Variants in ZNF782 observed in about 807,000 individuals in gnomAD.
The protein encoded by ZNF782 is zinc finger protein 782.
A neutral mutation model predicts 13.0 loss-of-function variants in ZNF782; 12 were observed. That is an observed-to-expected ratio of 0.92 (90% CI 0.59 to 1.50). The LOEUF (loss-of-function observed/expected upper bound fraction) is 1.50. Among genes scored for constraint, ZNF782 ranks in the 40% most tolerant of loss-of-function variants. The probability of loss-of-function intolerance (pLI) is 0.00; values close to 1 mark genes in which losing one functional copy is unlikely to be tolerated. For synonymous variants in ZNF782, 284 were observed against 283.0 expected (o/e 1.00, Z -0.04); for missense variants, 770 against 822.9 (o/e 0.94, Z 0.79).
chr9:96,917,881 C>A, the ZNF782 span, among the ~76,000 whole-genome samples: 1 of 128,274 alleles, frequency 7.8e-6, no homozygotes, highest in East Asian at 2.1e-4. Flanking sequence ...ATACCACCAC[C>A]CTTGGCGTGT....
the ZNF782 span, among the ~76,000 whole-genome samples, chr9:96,907,493 A>G: frequency 6.6e-6 from 1 of 152,296 alleles, no homozygotes; most frequent in Non-Finnish European, 1.5e-5. Context: ...AATTTATGTT[A>G]CATGTAGTTT....
the ZNF782 span, chr9:96,890,027 A>T: frequency 6.6e-6 from 1 of 152,294 alleles, no homozygotes; most frequent in Non-Finnish European, 1.5e-5. Flanking sequence ...TTCTTGTGGA[A>T]CATCATCCTT....
rs569582776 is a variant in ZNF782, at chr9:96,818,034, T to A, written c.1989A>T (p.Val663=). 416 of 1,610,648 alleles carry A rather than the reference T, an allele frequency of 2.6e-4. 6 individuals are homozygous for A. In the East Asian group the frequency reaches 9.2e-3, roughly 36 times the overall value. ...EAFSQKSNLR[V]HQRTHTGEKP... The stretch of plus-strand genomic sequence containing the variant: ...TCTCCCCTGTGTGAGTTCTCTGATG[T>A]ACTCTGAGATTGGATTTCTGACTGA... Residue 663 remains valine, a synonymous_variant, in exon 6 of 6, where the codon GTA becomes GTT. Coordinates refer to ENST00000481138, the MANE Select transcript of ZNF782 (RefSeq NM_001001662.3).
In ZNF782 at chr9:96,819,692, A is replaced by C; in HGVS notation, c.331T>G (p.Leu111Val). Residue 111 changes from leucine to valine, a missense_variant, in exon 6 of 6, where the codon TTG (leucine) becomes GTG (valine). Transcript: ENST00000481138. ...CCTGAAATTTCTTGCTCTGTAGTCAATAATTTATTGGTGAATAAAACTTGC... is the reference window on the plus strand; with the variant it reads ...CCTGAAATTTCTTGCTCTGTAGTCACTAATTTATTGGTGAATAAAACTTGC... ...LLQVLFTNKL[L>V]TTEQEISGKP... The C allele has an allele frequency of 6.2e-7, 1 of 1,612,654 alleles. No homozygotes were observed. Among genetic ancestry groups the C allele is most frequent in the Non-Finnish European group, 8.5e-7 (1 of 1,179,728 alleles).
At chr9:96,882,613 T>G in the ZNF782 span, among the ~76,000 whole-genome samples, 1 of 152,200 alleles carries the variant, frequency 6.6e-6, no homozygotes, top group Admixed American at 6.5e-5. Flanking sequence ...CTGTAAACTA[T>G]GGAAATATCA....
At chr9:96,849,306 C>G (rs1432175107) in intron 3 of ZNF782, among the ~76,000 whole-genome samples, 1 of 152,230 alleles carries the variant, frequency 6.6e-6, no homozygotes, top group African/African-American at 2.4e-5. Flanking sequence ...GAATCTGATG[C>G]TGCTGATCTG....
At chr9:96,909,739 G>C in the ZNF782 span, among the ~76,000 whole-genome samples, 3 of 151,810 alleles carry the variant, frequency 2.0e-5, no homozygotes, top group Admixed American at 1.3e-4. Context: ...TCTTAACAAT[G>C]TTTCATGCAT....
chr9:96,876,077 G>T (rs548499065), upstream of ZNF782, among the ~76,000 whole-genome samples: 55 of 152,308 alleles, frequency 3.6e-4, no homozygotes, highest in African/African-American at 1.3e-3. Flanking sequence ...TAGAGGTTAT[G>T]GGTTAAATTT....
At chr9:96,892,985 T>C in the ZNF782 span, 1 of 152,034 alleles carries the variant, frequency 6.6e-6, no homozygotes, top group African/African-American at 2.4e-5. Context: ...GTGACTCTCA[T>C]AACACCCTCG....
In ZNF782 at chr9:96,818,531, T is replaced by C. The variant is rs1343723911; in HGVS notation, c.1492A>G (p.Arg498Gly). ...TATGGTCTTTCCCCTGTGTGAGTTC[T>C]TCGGTGATTCCTTAGGCCTGACATA... ...SHMSGLRNHR[R>G]THTGERPYKC... is the part of the protein sequence containing the mutation. Residue 498 changes from arginine (R) to glycine (G), a missense_variant, in exon 6 of 6, where the codon AGA becomes GGA. Coordinates refer to ENST00000481138, the MANE Select transcript of ZNF782 (RefSeq NM_001001662.3). 1.2e-6 allele frequency: 2 copies of C among 1,613,776 alleles called. No homozygotes were observed. The highest frequency in any genetic ancestry group is 1.7e-6 in the Non-Finnish European group (2 of 1,179,972).
At chr9:96,863,899 A>T (rs925081122) in intron 1 of ZNF782, among the ~76,000 whole-genome samples, 1 of 152,046 alleles carries the variant, frequency 6.6e-6, no homozygotes, top group Non-Finnish European at 1.5e-5. Context: ...AAGATTACAT[A>T]TTGGGTACAG....
rs999100643 is a variant in ZNF782 at position 96,850,269 on chromosome 9, C to T, written c.15+1678G>A. The stretch of plus-strand genomic sequence containing the variant: ...TGGAACCAACCTAAGTGCCCATGAA[C>T]TGAGTGGATAAAGAAAATGTGGTAC... On this transcript the variant is annotated intron_variant, in intron 3 of 5. Coordinates refer to ENST00000481138, the MANE Select transcript of ZNF782 (RefSeq NM_001001662.3). This position sits in a 1 kb window ranked among gnomAD's most constrained non-coding sequence, Gnocchi z 4.3. 6.6e-6 allele frequency among the ~76,000 whole-genome samples: 1 copy of T among 152,122 alleles called. No homozygotes were observed. The highest frequency in any genetic ancestry group is 2.4e-5 in the African/African-American group (1 of 41,428).
chr9:96,928,149 T>C, the ZNF782 span, among the ~76,000 whole-genome samples: 1 of 151,682 alleles, frequency 6.6e-6, no homozygotes, highest in East Asian at 1.9e-4. Flanking sequence ...TGTGCACAAT[T>C]TGAATTTGGA....
At chr9:96,917,719 C>T in the ZNF782 span, among the ~76,000 whole-genome samples, 1 of 151,622 alleles carries the variant, frequency 6.6e-6, no homozygotes, top group Admixed American at 6.6e-5. Flanking sequence ...CATGAGCCAC[C>T]GTGCCCGACC....
chr9:96,848,451 G>A (rs562053936), intron 3 of ZNF782, among the ~76,000 whole-genome samples: 2 of 152,280 alleles, frequency 1.3e-5, no homozygotes, highest in South Asian at 4.1e-4. Flanking sequence ...TTTGATAAAT[G>A]AATTCAGTAA....
Position 96,818,435 on chromosome 9 carries a change from C to CTG in ZNF782, c.1586_1587dup (p.Gly530GlnfsTer105). 1 of 1,614,158 alleles carries CTG rather than the reference C, an allele frequency of 6.2e-7. No individual in the cohort carries two copies. The highest frequency in any genetic ancestry group is 1.1e-5 in the South Asian group (1 of 91,084). ...TGATTACATTTGTAGGGCTTCTCCC[C>CTG]TGTGTGTGTTCTATGATGTTTCCTC... On this transcript the variant is annotated frameshift_variant, in exon 6 of 6. Transcript: ENST00000481138. LOFTEE classifies it low-confidence loss of function (END_TRUNC).
Position 96,829,089 on chromosome 9 carries a change from A to T in ZNF782, c.143-1908T>A, listed in dbSNP as rs1334745005. On this transcript the variant is annotated intron_variant, in intron 4 of 5. Transcript: ENST00000481138. ...GGCAAAGATAAGATGTTTCAGACCA[A>T]AAAAAAAAAAAAAAAGCTGAAACAA... Among the ~76,000 whole-genome samples, 10 of 146,072 alleles carry T rather than the reference A, an allele frequency of 6.8e-5. No individual in the cohort carries two copies. In the East Asian group the frequency reaches 2.0e-3, roughly 29 times the overall value.
chr9:96,902,754 CTT>C, the ZNF782 span, among the ~76,000 whole-genome samples: 1 of 142,668 alleles, frequency 7.0e-6, no homozygotes, highest in African/African-American at 2.6e-5. Context: ...GTAAAATTGA[CTT>C]TTCTTGTGTA....
At chr9:96,929,869 G>A in the ZNF782 span, among the ~76,000 whole-genome samples, 4 of 151,290 alleles carry the variant, frequency 2.6e-5, no homozygotes, top group South Asian at 2.1e-4. Flanking sequence ...ATGAACGGGC[G>A]ACAGGTGTGG....
Sources: allele counts gnomAD v4.1 joint callset (sites outside exome capture counted in the v4.1 genomes callset), GRCh38; gene constraint gnomAD v4.1.1; non-coding constraint Gnocchi (gnomAD v3.1); transcripts MANE v1.5; gene names NCBI Gene and HGNC (gene_info 2026-07-23, HGNC 2026-07-21).